ZNF283: variants seen among roughly 807,000 people sequenced by gnomAD.
ZNF283 encodes zinc finger protein 283, also known as zinc finger protein 41.
A neutral mutation model predicts 9.2 loss-of-function variants in ZNF283; 10 were observed. The ratio of observed to expected loss-of-function variants is 1.09; its 90% confidence interval spans 0.67 to 1.85. ZNF283 has a LOEUF of 1.85. Among genes scored for constraint, ZNF283 ranks in the 40% most tolerant of loss-of-function variants. ZNF283 has a pLI of 0.00. For missense variants in ZNF283, 631 were observed against 760.1 expected, an observed-to-expected ratio of 0.83 and a Z score of 2.00; for synonymous variants, 234 against 244.1, an observed-to-expected ratio of 0.96 and a Z score of 0.38.
intron 3 of ZNF283, among the ~76,000 whole-genome samples, chr19:43,832,919 G>A (rs1009721817): frequency 2.0e-5 from 3 of 150,904 alleles, no homozygotes; most frequent in Non-Finnish European, 4.4e-5. Context: ...AGCTACTGGG[G>A]ATGGAGGCTG....
chr19:43,840,255 T>A (rs1342792232), intron 6 of ZNF283, among the ~76,000 whole-genome samples: 1 of 152,184 alleles, frequency 6.6e-6, no homozygotes, highest in Non-Finnish European at 1.5e-5. Context: ...ATTAGCCCTT[T>A]AAATCTTCCA....
Position 43,847,352 on chromosome 19 carries a change from A to G in ZNF283, c.751A>G (p.Asn251Asp), listed in dbSNP as rs750887300. ...GAATTATTTAAGTGCCTATCAACTC[A>G]ATGTGCATCAGAGATTTCATACTGG... is the stretch of plus-strand genomic sequence containing the variant. ...GKNYLSAYQL[N>D]VHQRFHTGEK... The change falls in exon 7 of 7, where the codon AAT (asparagine) becomes GAT (aspartate). Residue 251 changes from asparagine (N) to aspartate (D), a missense_variant. By Grantham distance (23) the Asn-to-Asp change is conservative (BLOSUM62 1). This residue lies in a region of ZNF283 where 444 missense variants were observed against 522.5 expected (regional missense o/e 0.85). Transcript: ENST00000618787. 2.5e-6 allele frequency: 4 copies of G among 1,613,904 alleles called. No homozygotes were observed.
At chr19:43,846,458 G>A (rs1415937583) in intron 6 of ZNF283, among the ~76,000 whole-genome samples, 1 of 152,124 alleles carries the variant, frequency 6.6e-6, no homozygotes, top group East Asian at 1.9e-4. Flanking sequence ...AGTTGTATTG[G>A]AACATAGTCT....
intron 2 of ZNF283, among the ~76,000 whole-genome samples, chr19:43,830,124 G>A (rs556377377): frequency 7.9e-5 from 12 of 152,340 alleles, no homozygotes; most frequent in African/African-American, 2.2e-4. Flanking sequence ...GCCTAGGCTG[G>A]AGTGCAGTGG....
intron 4 of ZNF283, among the ~76,000 whole-genome samples, chr19:43,834,438 G>A (rs1970863339): frequency 6.6e-6 from 1 of 151,142 alleles, no homozygotes. Context: ...TTCTAGGCAA[G>A]ACATAGGCAT....
chr19:43,837,128 G>C lies in ZNF283; in HGVS notation c.286G>C (p.Asp96His), dbSNP rs776798162. ...GGAATGCCTGGACCCTGCTCAGAGG[G>C]ACTTGTACGTGGATGTAATGTTGGA... ...EWECLDPAQR[D>H]LYVDVMLENY... The change falls in exon 6 of 7, where the codon GAC becomes CAC. Residue 96 changes from aspartate (D) to histidine (H), a missense_variant. Transcript: ENST00000618787. The C allele has an allele frequency of 6.8e-6, 11 of 1,613,834 alleles. No individual in the cohort carries two copies. Among genetic ancestry groups the C allele is most frequent in the Non-Finnish European group, 9.3e-6 (11 of 1,179,874 alleles).
At chr19:43,830,810 G>T (rs10420718) in intron 2 of ZNF283, among the ~76,000 whole-genome samples, 1 of 150,126 alleles carries the variant, frequency 6.7e-6, no homozygotes, top group Non-Finnish European at 1.5e-5. Flanking sequence ...GGCTGAGGCA[G>T]GAGAATTGGT....
At position 43,848,234 on chromosome 19, in the gene ZNF283, T is replaced by C; in HGVS notation, c.1633T>C (p.Cys545Arg). ...CCATACAGGGGAGAAACCCTATGAA[T>C]GTAAAGAATGTGGGAAGGCTTTTAG... The part of the protein sequence containing the change: ...RIHTGEKPYE[C>R]KECGKAFSRG... Residue 545 changes from cysteine to arginine, a missense_variant, in exon 7 of 7, where the codon TGT becomes CGT. By Grantham distance (180) the Cys-to-Arg change is radical (BLOSUM62 -3). Around this residue, in one of 3 missense-constraint regions of ZNF283, gnomAD observed 444 missense variants for 522.5 expected, o/e 0.85. Coordinates refer to ENST00000618787, the MANE Select transcript of ZNF283 (RefSeq NM_181845.2). 1 of 1,613,888 alleles carries C rather than the reference T, an allele frequency of 6.2e-7. No individual in the cohort carries two copies. The highest frequency in any genetic ancestry group is 1.7e-5 in the Admixed American group (1 of 60,012).
At chr19:43,835,661 T>TCCTTAGA in intron 5 of ZNF283, 69 bp downstream of exon 5, 1 of 1,264,542 alleles carries the variant, frequency 7.9e-7, no homozygotes, top group Non-Finnish European at 1.1e-6. Context: ...TCATTAATTT[T>TCCTTAGA]CCTTAGACCT....
chr19:43,831,716 C>T (rs1349175810), intron 3 of ZNF283, among the ~76,000 whole-genome samples: 2 of 152,164 alleles, frequency 1.3e-5, no homozygotes, highest in Non-Finnish European at 2.9e-5. Context: ...GCAACCTCCA[C>T]CTCCCAGGCT....
In ZNF283 at chr19:43,847,212, A is replaced by G. The variant is rs1971437120; in HGVS notation, c.611A>G (p.Glu204Gly). 1.9e-6 allele frequency: 3 copies of G among 1,613,816 alleles called. No individual in the cohort carries two copies. Among genetic ancestry groups the G allele is most frequent in the Non-Finnish European group, 2.5e-6 (3 of 1,179,830 alleles). Residue 204 changes from glutamate (E) to glycine (G), a missense_variant, in exon 7 of 7, where the codon GAG becomes GGG. By Grantham distance (98) the Glu-to-Gly change is moderately conservative (BLOSUM62 -2). Coordinates refer to ENST00000618787, the MANE Select transcript of ZNF283 (RefSeq NM_181845.2). ...LTPHQRIHNT[E>G]KSYVCKECGK... is the part of the protein sequence containing the mutation. ...CCACATCAAAGAATTCATAATACAG[A>G]GAAATCCTATGTTTGTAAGGAATGT...
rs1357418792 is a variant in ZNF283 at position 43,847,874 on chromosome 19, C to T, written c.1273C>T (p.His425Tyr). The T allele has an allele frequency of 1.2e-6, 2 of 1,612,968 alleles. No individual in the cohort carries two copies. The highest frequency in any genetic ancestry group is 1.7e-6 in the Non-Finnish European group (2 of 1,179,768). ...GSSLIQHERI[H>Y]TGEKPYECKE... ...AAGTCTTATTCAACATGAAAGAATT[C>T]ATACTGGTGAGAAACCTTATGAATG... Residue 425 changes from histidine to tyrosine, a missense_variant, in exon 7 of 7, where the codon CAT becomes TAT. Around this residue, in one of 3 missense-constraint regions of ZNF283, gnomAD observed 444 missense variants for 522.5 expected, o/e 0.85. Transcript: ENST00000618787.
rs1383800361 is a variant in ZNF283 at position 43,849,987 on chromosome 19, T to C, written c.*1346T>C. 1 of 152,198 alleles carries C rather than the reference T, an allele frequency of 6.6e-6. No homozygotes were observed. The highest frequency in any genetic ancestry group is 1.5e-5 in the Non-Finnish European group (1 of 68,016). 9.4% of individuals were successfully genotyped at this position (152,198 alleles called of 1,614,324 possible). On this transcript the variant is annotated 3_prime_UTR_variant, in exon 7 of 7. Transcript: ENST00000618787. ...CTCATCCATTTGAATTTCAGATAGT[T>C]CATTCTGGATAAGATCTAGTACAGT...
In ZNF283 at chr19:43,847,257, G is replaced by A. The variant is rs1398322835; in HGVS notation, c.656G>A (p.Gly219Asp). The change falls in exon 7 of 7, where the codon GGC becomes GAC. Residue 219 changes from glycine (G) to aspartate (D), a missense_variant. Gly to Asp is a moderately conservative substitution (Grantham distance 94). Coordinates refer to ENST00000618787, the MANE Select transcript of ZNF283 (RefSeq NM_181845.2). Reference protein sequence around the residue: ...CKECGKACSHGSKLVQHERTH... With the variant: ...CKECGKACSHDSKLVQHERTH... ...GAATGTGGGAAGGCTTGCAGTCATG[G>A]CTCAAAACTTGTTCAACATGAGAGA... 6.2e-7 allele frequency: 1 copy of A among 1,613,856 alleles called. No individual in the cohort carries two copies. Among genetic ancestry groups the A allele is most frequent in the Admixed American group, 1.7e-5 (1 of 60,012 alleles).
chr19:43,847,648 T>C lies in ZNF283; in HGVS notation c.1047T>C (p.Cys349=), dbSNP rs375564450. The stretch of plus-strand genomic sequence containing the variant: ...ATACAGGTGAGAAACCTTATAAATG[T>C]AAAGAATGTGGGAAGGCCTTCAGTC... ...IIHTGEKPYK[C]KECGKAFSRG... The change falls in exon 7 of 7, where the codon TGT becomes TGC. Residue 349 remains cysteine (C), a synonymous_variant. Transcript: ENST00000618787. 113 of 1,607,236 alleles carry C rather than the reference T, an allele frequency of 7.0e-5. No homozygotes were observed. Among genetic ancestry groups the C allele is most frequent in the Non-Finnish European group, 9.3e-5 (109 of 1,174,528 alleles).
chr19:43,848,584 A>G lies in ZNF283; in HGVS notation c.1983A>G (p.Glu661=). ...CCTACAAATATAACGAATGTGGGGA[A>G]GCCTTTCTGTGGACAACTTACTCAA... ...DKPYKYNECG[E]AFLWTTYSNE... The change falls in exon 7 of 7, where the codon GAA becomes GAG. Residue 661 remains glutamate, a synonymous_variant. Coordinates refer to ENST00000618787, the MANE Select transcript of ZNF283 (RefSeq NM_181845.2). 6.3e-7 allele frequency: 1 copy of G among 1,589,448 alleles called. No individual in the cohort carries two copies.
chr19:43,839,538 GTC>G (rs568771797), intron 6 of ZNF283, among the ~76,000 whole-genome samples: 205 of 151,946 alleles, frequency 1.3e-3, no homozygotes, highest in African/African-American at 4.5e-3. Flanking sequence ...CTCTACTTTT[GTC>G]TCTCTTCTTT....
intron 2 of ZNF283, among the ~76,000 whole-genome samples, 168 bp downstream of exon 2, chr19:43,828,449 CT>C (rs1468644439): frequency 1.3e-5 from 2 of 152,100 alleles, no homozygotes; most frequent in Non-Finnish European, 2.9e-5. Flanking sequence ...CCCTATTGTT[CT>C]TCTCCACAAT....
chr19:43,828,474 T>C (rs895314210), intron 2 of ZNF283, among the ~76,000 whole-genome samples, 193 bp downstream of exon 2: 5 of 152,164 alleles, frequency 3.3e-5, no homozygotes, highest in Non-Finnish European at 1.5e-5. Context: ...TACCCACCTG[T>C]TCATATGGCA....
Sources: allele counts gnomAD v4.1 joint callset (sites outside exome capture counted in the v4.1 genomes callset), GRCh38; gene constraint gnomAD v4.1.1; regional missense constraint gnomAD v4.1.1; transcripts MANE v1.5; gene names NCBI Gene and HGNC (gene_info 2026-07-23, HGNC 2026-07-21).